RBFOX1: variants seen among roughly 807,000 people sequenced by gnomAD.
The protein encoded by RBFOX1 is RNA binding protein fox-1 homolog 1.
In RBFOX1, 8 loss-of-function variants were observed where a neutral mutation model predicts 57.7. The observed-to-expected ratio is 0.14, with a 90% CI of 0.08 to 0.25. The LOEUF is 0.25. Among genes scored for constraint, RBFOX1 ranks in the 10% least tolerant of loss-of-function variants. RBFOX1 has a pLI of 1.00. For missense variants in RBFOX1, 611 were observed against 548.5 expected (o/e 1.11, Z -1.14); for synonymous variants, 326 against 222.4 (o/e 1.47, Z -4.15).
intron 1 of RBFOX1, among the ~76,000 whole-genome samples, chr16:5,256,766 TC>T (rs2062599806): frequency 6.6e-6 from 1 of 152,012 alleles, no homozygotes; most frequent in Non-Finnish European, 1.5e-5. Context: ...AAACCCTGCC[TC>T]TTCTAAAAGT....
chr16:7,610,693 A>C (rs762469173), intron 10 of RBFOX1, among the ~76,000 whole-genome samples: 1 of 152,222 alleles, frequency 6.6e-6, no homozygotes, highest in Non-Finnish European at 1.5e-5. Flanking sequence ...TAATTTTAAC[A>C]CTGCAGAGCA....
intron 3 of RBFOX1, among the ~76,000 whole-genome samples, chr16:5,692,189 G>A (rs1435235273): frequency 6.7e-6 from 1 of 148,990 alleles, no homozygotes; most frequent in African/African-American, 2.6e-5. Context: ...GTGTGTGTGT[G>A]TGTGTGTGTG....
chr16:6,749,509 G>C (rs962679222), intron 3 of RBFOX1, among the ~76,000 whole-genome samples: 1 of 152,152 alleles, frequency 6.6e-6, no homozygotes, highest in Non-Finnish European at 1.5e-5. Context: ...AGGATACTGA[G>C]GTTCTGGGGA....
At chr16:7,403,887 A>T (rs1311035657) in intron 4 of RBFOX1, among the ~76,000 whole-genome samples, 1 of 150,778 alleles carries the variant, frequency 6.6e-6, no homozygotes, top group Non-Finnish European at 1.5e-5. Flanking sequence ...TAGTACGTAC[A>T]TAAATTTTAA....
intron 2 of RBFOX1, among the ~76,000 whole-genome samples, chr16:6,509,700 T>G (rs1395857895): frequency 1.3e-5 from 2 of 152,182 alleles, no homozygotes; most frequent in African/African-American, 4.8e-5. Flanking sequence ...TCGGATTGTT[T>G]GCAGCACAAA....
intron 4 of RBFOX1, among the ~76,000 whole-genome samples, chr16:7,055,251 A>T (rs1259659222): frequency 6.6e-6 from 1 of 152,166 alleles, no homozygotes; most frequent in Non-Finnish European, 1.5e-5. Context: ...ACTACGCAAC[A>T]CTTTTGTTTA....
chr16:6,978,221 T>C (rs1423126667), intron 3 of RBFOX1, among the ~76,000 whole-genome samples: 3 of 152,164 alleles, frequency 2.0e-5, no homozygotes, highest in African/African-American at 4.8e-5. Context: ...TCGAAATGCT[T>C]CTTGAAAAAC....
chr16:5,779,880 T>G (rs959282156), intron 3 of RBFOX1, among the ~76,000 whole-genome samples: 1 of 152,206 alleles, frequency 6.6e-6, no homozygotes, highest in African/African-American at 2.4e-5. Flanking sequence ...GATCTTCAGT[T>G]TTCTCACTTG....
At chr16:7,016,063 G>C (rs1208341132) in intron 3 of RBFOX1, among the ~76,000 whole-genome samples, 1 of 152,134 alleles carries the variant, frequency 6.6e-6, no homozygotes, top group Non-Finnish European at 1.5e-5. Flanking sequence ...AGTTAAGTGA[G>C]ACCATAAGGC....
At chr16:6,907,601 A>C (rs979094048) in intron 3 of RBFOX1, among the ~76,000 whole-genome samples, 2 of 151,768 alleles carry the variant, frequency 1.3e-5, no homozygotes, top group African/African-American at 4.8e-5. Flanking sequence ...ATGGAGTCTC[A>C]CTCTGGTTGC....
chr16:7,104,338 G>A (rs1414660765), intron 4 of RBFOX1, among the ~76,000 whole-genome samples: 4 of 152,090 alleles, frequency 2.6e-5, no homozygotes, highest in Admixed American at 1.3e-4. Context: ...TCCTAAGGGG[G>A]ACCAGTGTAG....
At chr16:7,013,663 G>C (rs1404821709) in intron 3 of RBFOX1, among the ~76,000 whole-genome samples, 1 of 152,192 alleles carries the variant, frequency 6.6e-6, no homozygotes. Flanking sequence ...ATTATATAAA[G>C]TCTGTTTTTT....
intron 4 of RBFOX1, among the ~76,000 whole-genome samples, chr16:7,160,711 G>A (rs957469575): frequency 6.6e-6 from 1 of 151,850 alleles, no homozygotes; most frequent in Non-Finnish European, 1.5e-5. Flanking sequence ...TAACTCCTGT[G>A]CTACATTTTC....
At chr16:5,454,868 T>TTC (rs1491415649) in intron 1 of RBFOX1, among the ~76,000 whole-genome samples, 28 of 76,498 alleles carry the variant, frequency 3.7e-4, no homozygotes, top group Non-Finnish European at 6.8e-4. Flanking sequence ...CTTTCTTTCT[T>TTC]TCTTTCTTTC....
intron 1 of RBFOX1, among the ~76,000 whole-genome samples, chr16:6,083,914 G>A (rs1266216777): frequency 6.6e-6 from 1 of 152,140 alleles, no homozygotes; most frequent in Non-Finnish European, 1.5e-5. Context: ...TTATTTGGAG[G>A]ATGGGTCAAG....
chr16:7,288,955 G>T (rs553890667), intron 4 of RBFOX1, among the ~76,000 whole-genome samples: 2 of 152,330 alleles, frequency 1.3e-5, no homozygotes, highest in African/African-American at 4.8e-5. Flanking sequence ...AGAGGCAGGG[G>T]TTGGAGAAAA....
intron 2 of RBFOX1, among the ~76,000 whole-genome samples, chr16:6,627,389 G>C (rs1314441383): frequency 6.6e-6 from 1 of 152,154 alleles, no homozygotes; most frequent in Non-Finnish European, 1.5e-5. Flanking sequence ...AAGTGAGACA[G>C]AGAAAGAGAG....
chr16:7,579,028 G>C (rs552268508), intron 5 of RBFOX1, among the ~76,000 whole-genome samples: 1 of 152,286 alleles, frequency 6.6e-6, no homozygotes, highest in South Asian at 2.1e-4. Context: ...AGATGGAAAC[G>C]TTCTGTATTT....
At chr16:5,282,960 AG>A (rs1214603848) in intron 1 of RBFOX1, among the ~76,000 whole-genome samples, 1 of 152,152 alleles carries the variant, frequency 6.6e-6, no homozygotes, top group East Asian at 1.9e-4. Context: ...TCAAAGGCCC[AG>A]AGGCCTAGGA....
Sources: allele counts gnomAD v4.1 joint callset (sites outside exome capture counted in the v4.1 genomes callset), GRCh38; gene constraint gnomAD v4.1.1; transcripts MANE v1.5; gene names NCBI Gene and HGNC (gene_info 2026-07-23, HGNC 2026-07-21).